The following CNTNAP2 variants were observed in gnomAD, a reference collection of about 807,000 sequenced individuals.
CNTNAP2 encodes the protein contactin associated protein 2.
CNTNAP2 carries 98 observed loss-of-function variants against 155.2 expected under a neutral mutation model. The observed-to-expected ratio is 0.63, with a 90% CI of 0.54 to 0.75. The LOEUF is 0.75. CNTNAP2 is among the 30% of genes least tolerant of loss of function. The pLI is 0.00. For missense variants in CNTNAP2, 1,727 were observed against 1,688.1 expected (o/e 1.02, Z -0.40); for synonymous variants, 651 against 631.2 (o/e 1.03, Z -0.47).
intron 10 of CNTNAP2, among the ~76,000 whole-genome samples, chr7:147,448,287 G>C (rs114465797): frequency 0.018 from 2,748 of 152,096 alleles, 83 homozygotes; most frequent in African/African-American, 0.062. Flanking sequence ...CTAGATTAGA[G>C]TCAATTAAGA....
intron 11 of CNTNAP2, among the ~76,000 whole-genome samples, chr7:147,545,614 C>T (rs1799715396): frequency 6.6e-6 from 1 of 152,168 alleles, no homozygotes; most frequent in South Asian, 2.1e-4. Context: ...GACAGCTTGC[C>T]TGGGGCTGGG....
chr7:146,226,113 C>A (rs1038803105), intron 1 of CNTNAP2, among the ~76,000 whole-genome samples: 1 of 152,134 alleles, frequency 6.6e-6, no homozygotes, highest in African/African-American at 2.4e-5. Flanking sequence ...TAGATGGTTT[C>A]ACTGTCCGAT....
chr7:146,529,793 C>T (rs2693410), intron 1 of CNTNAP2, among the ~76,000 whole-genome samples: 4,379 of 151,936 alleles, frequency 0.029, 212 homozygotes, highest in African/African-American at 0.1. Context: ...GGTGAAACCC[C>T]GTCTCTACTA....
At chr7:147,045,676 A>G (rs550739281) in intron 4 of CNTNAP2, among the ~76,000 whole-genome samples, 1 of 152,192 alleles carries the variant, frequency 6.6e-6, no homozygotes, top group Non-Finnish European at 1.5e-5. Flanking sequence ...ATTCATGAAC[A>G]GAGTGTCATG....
At chr7:146,872,173 T>G (rs1265154091) in intron 3 of CNTNAP2, among the ~76,000 whole-genome samples, 1 of 150,318 alleles carries the variant, frequency 6.7e-6, no homozygotes, top group Non-Finnish European at 1.5e-5. Context: ...TTTTTTTTTT[T>G]TTTTTTTTTT....
intron 12 of CNTNAP2, among the ~76,000 whole-genome samples, chr7:147,568,016 G>T (rs1430126661): frequency 6.6e-6 from 1 of 152,154 alleles, no homozygotes; most frequent in Non-Finnish European, 1.5e-5. Context: ...AACCCGGGGG[G>T]CAGAGGTTCC....
rs3056207 is a variant in CNTNAP2, at chr7:148,096,279, A to ATGTGTG, written c.2384-21808_2384-21803dup. 2.8e-3 allele frequency among the ~76,000 whole-genome samples: 399 copies of ATGTGTG among 144,814 alleles called. 1 individual carries two copies. The highest frequency in any genetic ancestry group is 0.011 in the Middle Eastern group (3 of 280). ...AACGTTTTTCTGCGTGCATGCATGC[A>ATGTGTG]TGTGTGTGTGTGTGTGTGTGTGTGT... On this transcript the variant is annotated intron_variant, in intron 15 of 23. Coordinates refer to ENST00000361727, the MANE Select transcript of CNTNAP2 (RefSeq NM_014141.6).
chr7:146,915,251 C>T (rs889887897), intron 3 of CNTNAP2, among the ~76,000 whole-genome samples: 1 of 152,014 alleles, frequency 6.6e-6, no homozygotes, highest in African/African-American at 2.4e-5. Flanking sequence ...AATGTAATGC[C>T]TCTAGATTTG....
intron 3 of CNTNAP2, among the ~76,000 whole-genome samples, chr7:146,944,631 C>A (rs1404738738): frequency 6.6e-6 from 1 of 152,104 alleles, no homozygotes; most frequent in Non-Finnish European, 1.5e-5. Flanking sequence ...GTAATGCCAG[C>A]ACTTTGGGAG....
intron 1 of CNTNAP2, among the ~76,000 whole-genome samples, chr7:146,499,500 C>T (rs1196612074): frequency 5.3e-5 from 8 of 152,144 alleles, no homozygotes; most frequent in Non-Finnish European, 1.2e-4. Flanking sequence ...GTGAGTTTCA[C>T]AACTTTTTTG....
chr7:146,169,414 G>A (rs1188035021), intron 1 of CNTNAP2, among the ~76,000 whole-genome samples: 4 of 152,150 alleles, frequency 2.6e-5, no homozygotes, highest in African/African-American at 9.7e-5. Flanking sequence ...ATAATGTGAT[G>A]ATTTGATGCA....
chr7:146,768,231 T>A (rs375561175), intron 1 of CNTNAP2, among the ~76,000 whole-genome samples: 4 of 151,890 alleles, frequency 2.6e-5, no homozygotes, highest in African/African-American at 4.8e-5. Context: ...TTGTTCCTTA[T>A]GACTAAAACT....
At chr7:148,137,695 A>AGGAT (rs1804986340) in intron 16 of CNTNAP2, among the ~76,000 whole-genome samples, 1 of 148,528 alleles carries the variant, frequency 6.7e-6, no homozygotes, top group African/African-American at 2.5e-5. Context: ...GAAGGAAGGA[A>AGGAT]GGAAGGAAGG....
chr7:146,501,987 T>C (rs1262484112), intron 1 of CNTNAP2, among the ~76,000 whole-genome samples: 1 of 151,874 alleles, frequency 6.6e-6, no homozygotes, highest in Non-Finnish European at 1.5e-5. Flanking sequence ...AACCAACCTC[T>C]CTTTATTCCT....
intron 21 of CNTNAP2, among the ~76,000 whole-genome samples, chr7:148,340,498 T>G (rs1798209010): frequency 6.6e-6 from 1 of 152,228 alleles, no homozygotes; most frequent in African/African-American, 2.4e-5. Flanking sequence ...GCTTTAATAT[T>G]TCACCCTCAT....
chr7:146,538,657 G>A (rs938347806), intron 1 of CNTNAP2, among the ~76,000 whole-genome samples: 3 of 151,872 alleles, frequency 2.0e-5, no homozygotes, highest in African/African-American at 4.8e-5. Flanking sequence ...GCAAGCATTT[G>A]GCAAGCACAA....
intron 1 of CNTNAP2, among the ~76,000 whole-genome samples, chr7:146,505,570 T>C (rs1023737485): frequency 3.3e-5 from 5 of 152,170 alleles, no homozygotes; most frequent in Non-Finnish European, 5.9e-5. Context: ...CATTCCCCTA[T>C]GAATGGTCAA....
At chr7:146,469,396 T>A (rs1796761411) in intron 1 of CNTNAP2, among the ~76,000 whole-genome samples, 1 of 151,786 alleles carries the variant, frequency 6.6e-6, no homozygotes, top group African/African-American at 2.4e-5. Context: ...AAAAAAATAG[T>A]GCCACTGCCC....
At chr7:147,658,227 A>C (rs1466440446) in intron 13 of CNTNAP2, among the ~76,000 whole-genome samples, 1 of 112,116 alleles carries the variant, frequency 8.9e-6, no homozygotes, top group Non-Finnish European at 2.0e-5. Context: ...ACTGCACTCC[A>C]GCCTGGGAGA....
Sources: allele counts gnomAD v4.1 joint callset (sites outside exome capture counted in the v4.1 genomes callset), GRCh38; gene constraint gnomAD v4.1.1; transcripts MANE v1.5; gene names NCBI Gene and HGNC (gene_info 2026-07-23, HGNC 2026-07-21).